The following ZFP62 variants were observed in gnomAD, a reference collection of about 807,000 sequenced individuals.
The protein encoded by ZFP62 is ZFP62 zinc finger protein, also known as zinc finger protein 62 homolog.
A neutral mutation model predicts 56.4 loss-of-function variants in ZFP62; 44 were observed. The ratio of observed to expected loss-of-function variants is 0.78; its 90% CI spans 0.61 to 1.00. The LOEUF is 1.00. ZFP62 is among the 50% of genes least tolerant of loss of function. ZFP62 has a pLI of 0.00. For missense variants in ZFP62, 1,030 were observed against 1,085.7 expected, an observed-to-expected ratio of 0.95 and a Z score of 0.72; for synonymous variants, 421 against 388.9, an observed-to-expected ratio of 1.08 and a Z score of -0.97.
the ZFP62 span, among the ~76,000 whole-genome samples, chr5:180,829,218 AGAGGCATGTGATCTTTG>A: frequency 2.8e-5 from 4 of 141,650 alleles, no homozygotes; most frequent in African/African-American, 1.2e-4. Flanking sequence ...CTGTTTCCTC[AGAGGCATGTGATCTTTG>A]TTCTGCCTTT....
chr5:180,848,254 T>C lies in ZFP62; in HGVS notation c.*538A>G, dbSNP rs1039242418. 8.1e-6 allele frequency: 8 copies of C among 985,478 alleles called. No homozygotes were observed. In the African/African-American group the frequency reaches 1.0e-4, roughly 13 times the overall value. 61.0% of individuals were successfully genotyped at this position (985,478 alleles called of 1,614,324 possible). On this transcript the variant is annotated 3_prime_UTR_variant, in exon 2 of 2. Coordinates refer to ENST00000502412, the MANE Select transcript of ZFP62 (RefSeq NM_001172638.2). ...TTCAGAAGTCATCATCACTGCCCCC[T>C]CCCAAACCAATTACATCAAGTTTAT...
the ZFP62 span, among the ~76,000 whole-genome samples, chr5:180,833,478 CAAAA>C: frequency 9.1e-5 from 7 of 76,702 alleles, no homozygotes; most frequent in African/African-American, 2.0e-4. Context: ...AACTCTGTCT[CAAAA>C]AAAAAAAAAA....
the ZFP62 span, among the ~76,000 whole-genome samples, chr5:180,838,977 T>C: frequency 1.3e-5 from 2 of 152,206 alleles, no homozygotes; most frequent in African/African-American, 4.8e-5. Flanking sequence ...TGCAACACTG[T>C]TGATACTAAC....
intron 1 of ZFP62, among the ~76,000 whole-genome samples, chr5:180,856,216 A>C (rs1773963304): frequency 6.6e-6 from 1 of 152,174 alleles, no homozygotes; most frequent in Non-Finnish European, 1.5e-5. Flanking sequence ...GGGGCGCATG[A>C]TGTCCCGTCA....
the ZFP62 span, among the ~76,000 whole-genome samples, chr5:180,842,025 C>T: frequency 1.6e-4 from 25 of 152,126 alleles, no homozygotes; most frequent in East Asian, 1.5e-3. Flanking sequence ...CAACCTTGGG[C>T]GACAGAGTGA....
At chr5:180,828,493 A>C in the ZFP62 span, among the ~76,000 whole-genome samples, 13 of 152,312 alleles carry the variant, frequency 8.5e-5, no homozygotes, top group East Asian at 2.3e-3. Context: ...GAAGAACATA[A>C]ATTGTGAAGA....
At chr5:180,833,457 C>A in the ZFP62 span, among the ~76,000 whole-genome samples, 2 of 134,038 alleles carry the variant, frequency 1.5e-5, no homozygotes, top group South Asian at 2.4e-4. Flanking sequence ...CCAGCCTGGG[C>A]GATACGGTGA....
chr5:180,853,181 C>T (rs979012690), intron 1 of ZFP62, among the ~76,000 whole-genome samples: 2 of 152,216 alleles, frequency 1.3e-5, no homozygotes, highest in Non-Finnish European at 1.5e-5. Flanking sequence ...CTACATAAAT[C>T]TCCAAGCACA....
At chr5:180,837,014 G>A in the ZFP62 span, among the ~76,000 whole-genome samples, 1 of 152,240 alleles carries the variant, frequency 6.6e-6, no homozygotes, top group African/African-American at 2.4e-5. Flanking sequence ...CCACCTGAGA[G>A]CCAGGTCCCT....
the ZFP62 span, among the ~76,000 whole-genome samples, chr5:180,842,440 G>A: frequency 6.6e-6 from 1 of 152,020 alleles, no homozygotes; most frequent in African/African-American, 2.4e-5. Context: ...CAGTGAAACT[G>A]GAATAAACCG....
intron 1 of ZFP62, among the ~76,000 whole-genome samples, chr5:180,858,282 AAAAAG>A (rs1561911048): frequency 7.2e-6 from 1 of 138,052 alleles, no homozygotes; most frequent in Admixed American, 7.5e-5. Flanking sequence ...AAAAAAAGAA[AAAAAG>A]AAAAGAAAAA....
the ZFP62 span, chr5:180,834,520 T>C: frequency 6.6e-6 from 1 of 152,140 alleles, no homozygotes; most frequent in Non-Finnish European, 1.5e-5. Context: ...AAGAAGACTG[T>C]CCTCAGCAAA....
the ZFP62 span, among the ~76,000 whole-genome samples, chr5:180,827,716 G>A: frequency 1.3e-5 from 2 of 152,214 alleles, no homozygotes; most frequent in Non-Finnish European, 2.9e-5. Flanking sequence ...ATTAGTATAA[G>A]AGGAAGGCAT....
chr5:180,837,460 G>C, the ZFP62 span, among the ~76,000 whole-genome samples: 2 of 152,200 alleles, frequency 1.3e-5, no homozygotes, highest in Non-Finnish European at 2.9e-5. Flanking sequence ...GTAGGAAGAA[G>C]CTGAATGACA....
At chr5:180,841,080 T>A in the ZFP62 span, among the ~76,000 whole-genome samples, 2 of 152,186 alleles carry the variant, frequency 1.3e-5, no homozygotes, top group Admixed American at 1.3e-4. Flanking sequence ...GACTTCTGAA[T>A]GAAACATTAA....
At chr5:180,840,801 G>A in the ZFP62 span, among the ~76,000 whole-genome samples, 5 of 150,172 alleles carry the variant, frequency 3.3e-5, no homozygotes, top group Non-Finnish European at 5.9e-5. Context: ...GTGTGTGTGT[G>A]TGTGTGTGTG....
At position 180,848,572 on chromosome 5, in the gene ZFP62, C is replaced by A; in HGVS notation, c.*220G>T. 1.6e-6 allele frequency: 2 copies of A among 1,246,326 alleles called. No individual in the cohort carries two copies. The highest frequency in any genetic ancestry group is 2.0e-6 in the Non-Finnish European group (2 of 994,048). The allele number at this position is 1,246,326 out of a possible 1,614,324, so 77.2% of individuals were successfully genotyped here. On this transcript the variant is annotated 3_prime_UTR_variant, in exon 2 of 2. Transcript: ENST00000502412. ...ATCACTCAGATCTAAGTTTTTCTCT[C>A]AAGTATGGACTGTTTTATATCCTGT...
At chr5:180,854,152 C>T (rs1198460163) in intron 1 of ZFP62, among the ~76,000 whole-genome samples, 1 of 152,118 alleles carries the variant, frequency 6.6e-6, no homozygotes, top group Admixed American at 6.5e-5. Flanking sequence ...ACCAGAGCTC[C>T]TCAAAGAAAT....
chr5:180,855,181 A>C (rs1773904484), intron 1 of ZFP62, among the ~76,000 whole-genome samples: 1 of 152,244 alleles, frequency 6.6e-6, no homozygotes, highest in Non-Finnish European at 1.5e-5. Context: ...AATGAAGTCA[A>C]ATGTTAACTG....
Sources: gnomAD v4.1 joint callset for allele counts (sites outside exome capture counted in the v4.1 genomes callset) on GRCh38, gnomAD v4.1.1 for gene constraint, MANE v1.5 for transcripts, NCBI Gene and HGNC (gene_info 2026-07-23, HGNC 2026-07-21) for gene names.